The following MRC2 variants were observed in gnomAD, a reference collection of about 807,000 sequenced individuals.
MRC2 encodes mannose receptor C-type 2.
In MRC2, 84 loss-of-function variants were observed where a neutral mutation model predicts 206.2. The observed-to-expected ratio is 0.41, with a 90% CI of 0.34 to 0.49. MRC2 has a LOEUF of 0.49. Among genes scored for constraint, MRC2 ranks in the 20% least tolerant of loss-of-function variants. The pLI is 0.31. For missense variants in MRC2, 1,676 were observed against 2,001.5 expected, an observed-to-expected ratio of 0.84 and a Z score of 3.10; for synonymous variants, 798 against 800.0, an observed-to-expected ratio of 1.00 and a Z score of 0.04.
At position 62,675,675 on chromosome 17, in the gene MRC2, G is replaced by A. The variant is rs747693597; in HGVS notation, c.1570-115G>A. 9.8e-6 allele frequency: 8 copies of A among 815,538 alleles called. No homozygotes were observed. Among genetic ancestry groups the A allele is most frequent in the African/African-American group, 1.7e-5 (1 of 60,038 alleles). The allele number at this position is 815,538 out of a possible 1,614,324, so 50.5% of individuals were successfully genotyped here. On this transcript the variant is annotated intron_variant, in intron 9 of 29. Transcript: ENST00000303375. The surrounding 1 kb of genome is among the most constrained non-coding windows in gnomAD (Gnocchi z 4.1). ...CCCAGTACTCAAACCAGTCCCCTCC[G>A]TCCTGAGCACGTTCAGTGATGTCCC...
Position 62,681,875 on chromosome 17 carries a change from C to T in MRC2, c.2741C>T (p.Ala914Val), listed in dbSNP as rs143716831. ...TCCATTATAAACTTCATCTCCTGGGCACCAGGCAAACCTCGGCCTGTCGGC... is the reference window on the plus strand; with the variant it reads ...TCCATTATAAACTTCATCTCCTGGGTACCAGGCAAACCTCGGCCTGTCGGC... Reference protein sequence around the residue: ...DGSIINFISWAPGKPRPVGKD... With the variant: ...DGSIINFISWVPGKPRPVGKD... Residue 914 changes from alanine (A) to valine (V), a missense_variant, in exon 19 of 30, where the codon GCA (alanine) becomes GTA (valine). Ala to Val is a moderately conservative substitution (Grantham distance 64). Coordinates refer to ENST00000303375, the MANE Select transcript of MRC2 (RefSeq NM_006039.5). 5 of 1,613,848 alleles carry T rather than the reference C, an allele frequency of 3.1e-6. No homozygotes were observed. The African/African-American group carries it at 6.7e-5, about 22-fold the overall frequency.
intron 1 of MRC2, among the ~76,000 whole-genome samples, chr17:62,635,693 T>TA (rs2088305077): frequency 2.0e-5 from 3 of 152,138 alleles, no homozygotes; most frequent in South Asian, 4.1e-4. Context: ...TCATGCCTGT[T>TA]ACTCCAGTGC....
chr17:62,655,120 C>T (rs538107358), intron 1 of MRC2, among the ~76,000 whole-genome samples: 58 of 152,230 alleles, frequency 3.8e-4, no homozygotes, highest in Non-Finnish European at 7.4e-4. Flanking sequence ...CCTGTCTCTA[C>T]TATAAATACA....
At chr17:62,641,339 A>G (rs937857353) in intron 1 of MRC2, among the ~76,000 whole-genome samples, 2 of 151,360 alleles carry the variant, frequency 1.3e-5, no homozygotes, top group Non-Finnish European at 2.9e-5. Context: ...AAAAGAGAAG[A>G]AAAGAAAAGA....
chr17:62,689,466 TG>T, intron 23 of MRC2, 55 bp from the exon 24 acceptor site: 1 of 1,232,528 alleles, frequency 8.1e-7, no homozygotes, highest in Non-Finnish European at 1.1e-6. Context: ...GCCTTGTGCC[TG>T]GGAACGGGGT....
chr17:62,674,272 CCT>C, intron 9 of MRC2, 102 bp downstream of exon 9: 1 of 811,030 alleles, frequency 1.2e-6, no homozygotes. Context: ...ATGGCATCGC[CCT>C]CTCGTCGGCA....
At position 62,690,125 on chromosome 17, in the gene MRC2, T is replaced by C. The variant is rs111284680; in HGVS notation, c.3743-31T>C. The C allele has an allele frequency of 5.7e-6, 9 of 1,587,506 alleles. No homozygotes were observed. The African/African-American group carries it at 8.0e-5, about 14-fold the overall frequency. On this transcript the variant is annotated intron_variant, in intron 25 of 29. Coordinates refer to ENST00000303375, the MANE Select transcript of MRC2 (RefSeq NM_006039.5). ...CTGTCGGTGGCCCCGGGGAGGGTGC[T>C]GAGCCACTTCTTAATCCTGTACCCC...
At chr17:62,690,828 C>T (rs2089099930) in intron 27 of MRC2, 67 bp downstream of exon 27, 2 of 1,515,612 alleles carry the variant, frequency 1.3e-6, no homozygotes, top group South Asian at 2.6e-5. Flanking sequence ...CTCCACTTTG[C>T]CCTGAGCCTT....
intron 1 of MRC2, among the ~76,000 whole-genome samples, chr17:62,654,299 C>T (rs945984392): frequency 1.3e-5 from 2 of 152,010 alleles, no homozygotes; most frequent in African/African-American, 4.8e-5. Context: ...CTGGGCCCTG[C>T]GTTCCTGCCT....
At chr17:62,651,759 A>G (rs1757492172) in intron 1 of MRC2, among the ~76,000 whole-genome samples, 1 of 151,896 alleles carries the variant, frequency 6.6e-6, no homozygotes, top group Non-Finnish European at 1.5e-5. Flanking sequence ...TTTATTAGAG[A>G]TGGAGTTTCA....
intron 1 of MRC2, among the ~76,000 whole-genome samples, chr17:62,654,387 C>T (rs533162154): frequency 6.6e-6 from 1 of 152,040 alleles, no homozygotes; most frequent in South Asian, 2.1e-4. Flanking sequence ...CTTGTCTCTG[C>T]TTGTGCCTTT....
At chr17:62,678,694 A>G in intron 13 of MRC2, 48 bp downstream of exon 13, 3 of 1,580,106 alleles carry the variant, frequency 1.9e-6, no homozygotes, top group Non-Finnish European at 2.6e-6. Flanking sequence ...GCACACGTGT[A>G]GGAGCAGGCA....
At chr17:62,681,243 C>A in intron 18 of MRC2, 114 bp downstream of exon 18, 1 of 1,289,826 alleles carries the variant, frequency 7.8e-7, no homozygotes, top group Non-Finnish European at 1.1e-6. Flanking sequence ...GGCTGTGTGG[C>A]CTTGAGCAAG....
In MRC2 at chr17:62,664,805, CT is replaced by C; in HGVS notation, c.377del (p.Leu126ArgfsTer119). 6.2e-7 allele frequency: 1 copy of C among 1,613,930 alleles called. No individual in the cohort carries two copies. Among genetic ancestry groups the C allele is most frequent in the Non-Finnish European group, 8.5e-7 (1 of 1,180,034 alleles). ...ALNLRWHCRT[L>X]GDQLSLLLGA... ...GAATCTTCGCTGGCATTGTCGTACACTGGGTGACCAGCTGTCCTTGCTCCTG... is the reference window on the plus strand; with the variant it reads ...GAATCTTCGCTGGCATTGTCGTACACGGGTGACCAGCTGTCCTTGCTCCTG... On this transcript the variant is annotated frameshift_variant, in exon 2 of 30. Coordinates refer to ENST00000303375, the MANE Select transcript of MRC2 (RefSeq NM_006039.5). LOFTEE classifies it high-confidence loss of function. This position sits in a 1 kb window ranked among gnomAD's most constrained non-coding sequence, Gnocchi z 4.7.
Position 62,693,215 on chromosome 17 carries a change from GT to G in MRC2, c.*765del, listed in dbSNP as rs1031660077. On this transcript the variant is annotated 3_prime_UTR_variant, in exon 30 of 30. Transcript: ENST00000303375. ...GGGGGAGGGCTCTGCCCCTGGAAGA[GT>G]CCCCTGTGGGGACCAAAATAAGTTC... is the stretch of plus-strand genomic sequence containing the variant. 11 of 152,584 alleles carry G rather than the reference GT, an allele frequency of 7.2e-5. No homozygotes were observed. Among genetic ancestry groups the G allele is most frequent in the African/African-American group, 2.4e-4 (10 of 41,466 alleles). 9.5% of individuals were successfully genotyped at this position (152,584 alleles called of 1,614,324 possible). A position where few individuals can be genotyped will look rare whatever the true frequency, so the allele number is the denominator to read the frequency against.
At position 62,688,866 on chromosome 17, in the gene MRC2, G is replaced by A. The variant is rs923560280; in HGVS notation, c.3240G>A (p.Val1080=). The stretch of plus-strand genomic sequence containing the variant: ...CCTCCCCCCAGACCAGCTGTGCAGT[G>A]GTCCTGCACAGCCCCTCAGCCCACT... ...PSGNKPTSCA[V]VLHSPSAHFT... The change falls in exon 23 of 30, where the codon GTG becomes GTA. Residue 1080 remains valine, a synonymous_variant. Transcript: ENST00000303375. The A allele has an allele frequency of 6.2e-7, 1 of 1,611,656 alleles. No homozygotes were observed. Among genetic ancestry groups the A allele is most frequent in the Non-Finnish European group, 8.5e-7 (1 of 1,179,236 alleles).
Position 62,678,589 on chromosome 17 carries a change from G to A in MRC2, c.2138G>A (p.Ser713Asn). 6.2e-7 allele frequency: 1 copy of A among 1,609,822 alleles called. No individual in the cohort carries two copies. ...CAGGAGCTGGGGGCCCAGCTGCTGA[G>A]CCTGGCCAGCTACGAGGAGGAGCAC... ...ACQELGAQLL[S>N]LASYEEEHFV... is the part of the protein sequence containing the mutation. The change falls in exon 13 of 30, where the codon AGC becomes AAC. Residue 713 changes from serine to asparagine, a missense_variant. Ser to Asn is a conservative substitution (Grantham distance 46). Around this residue, in one of 3 missense-constraint regions of MRC2, gnomAD observed 1,354 missense variants for 1,636.6 expected, o/e 0.83. Transcript: ENST00000303375.
intron 1 of MRC2, among the ~76,000 whole-genome samples, chr17:62,645,527 ATTTTTTTTTTTTT>A (rs1164231785): frequency 8.6e-4 from 34 of 39,544 alleles, no homozygotes; most frequent in African/African-American, 2.8e-3. Context: ...ATATATATAT[ATTTTTTTTTTTTT>A]TTTTTTTTTT....
chr17:62,673,239 G>A (rs1453564568), intron 8 of MRC2, among the ~76,000 whole-genome samples: 1 of 152,190 alleles, frequency 6.6e-6, no homozygotes, highest in Non-Finnish European at 1.5e-5. Flanking sequence ...GGAGCTTAGA[G>A]ACAGACATAC....
Sources: allele counts gnomAD v4.1 joint callset (sites outside exome capture counted in the v4.1 genomes callset), GRCh38; gene constraint gnomAD v4.1.1; regional missense constraint gnomAD v4.1.1; non-coding constraint Gnocchi (gnomAD v3.1); transcripts MANE v1.5; gene names NCBI Gene and HGNC (gene_info 2026-07-23, HGNC 2026-07-21).